Variants in DPF3 observed in about 807,000 individuals in gnomAD.
The protein encoded by DPF3 is double PHD fingers 3.
Under a neutral mutation model 56.8 loss-of-function variants are expected in DPF3, and 18 were observed. That is an observed-to-expected ratio of 0.32 (90% confidence interval 0.22 to 0.47). DPF3 has a LOEUF of 0.47. Among genes scored for constraint, DPF3 ranks in the 20% least tolerant of loss-of-function variants. DPF3 has a pLI of 1.00. For synonymous variants in DPF3, 188 were observed against 180.2 expected, an observed-to-expected ratio of 1.04 and a Z score of -0.35; for missense variants, 403 against 488.8, an observed-to-expected ratio of 0.82 and a Z score of 1.65.
At chr14:72,730,066 A>C (rs966712231) in intron 4 of DPF3, among the ~76,000 whole-genome samples, 10 of 152,070 alleles carry the variant, frequency 6.6e-5, no homozygotes, top group Admixed American at 3.3e-4. Flanking sequence ...GTGAACCTAA[A>C]ACTGCTGTTA....
At chr14:72,632,401 G>A (rs953062078) in intron 8 of DPF3, among the ~76,000 whole-genome samples, 3 of 152,128 alleles carry the variant, frequency 2.0e-5, no homozygotes, top group African/African-American at 4.8e-5. Flanking sequence ...TACATAAGAT[G>A]TTGCCCTTGG....
chr14:72,728,902 C>A (rs943793505), intron 4 of DPF3, among the ~76,000 whole-genome samples: 1 of 151,970 alleles, frequency 6.6e-6, no homozygotes, highest in Admixed American at 6.6e-5. Context: ...GAGGCAGGGG[C>A]AGTCAGGGCA....
intron 8 of DPF3, among the ~76,000 whole-genome samples, chr14:72,651,995 G>T (rs1398927585): frequency 6.6e-6 from 1 of 152,208 alleles, no homozygotes; most frequent in African/African-American, 2.4e-5. Flanking sequence ...GCACGACTCT[G>T]TCACTGCACA....
At chr14:72,670,357 C>A (rs1455801553) in intron 8 of DPF3, 59 of 986,242 alleles carry the variant, frequency 6.0e-5, no homozygotes, top group Non-Finnish European at 7.0e-5. Flanking sequence ...AGCAGCTCTA[C>A]TGACGGAGGA....
chr14:72,879,079 C>T (rs553355128), intron 1 of DPF3, among the ~76,000 whole-genome samples: 12 of 152,330 alleles, frequency 7.9e-5, no homozygotes, highest in African/African-American at 2.9e-4. Flanking sequence ...TAGGCTAGGT[C>T]CTTGGGACAG....
chr14:72,730,978 G>T (rs532616750), intron 4 of DPF3, among the ~76,000 whole-genome samples: 1 of 152,144 alleles, frequency 6.6e-6, no homozygotes, highest in South Asian at 2.1e-4. Context: ...GACCAGCCTG[G>T]CCAATATGGT....
intron 1 of DPF3, among the ~76,000 whole-genome samples, chr14:72,878,780 T>C (rs944575898): frequency 1.3e-5 from 2 of 152,166 alleles, no homozygotes; most frequent in Non-Finnish European, 2.9e-5. Flanking sequence ...AAGCCAAGCT[T>C]TTTAAAGTGA....
At chr14:72,643,100 C>T (rs909709205) in intron 8 of DPF3, among the ~76,000 whole-genome samples, 2 of 152,220 alleles carry the variant, frequency 1.3e-5, no homozygotes, top group African/African-American at 4.8e-5. Context: ...ACATCCATGT[C>T]TTCACATTCT....
At chr14:72,787,342 T>A (rs892442838) in intron 1 of DPF3, among the ~76,000 whole-genome samples, 1 of 152,138 alleles carries the variant, frequency 6.6e-6, no homozygotes, top group African/African-American at 2.4e-5. Context: ...CAGATTGGAG[T>A]TGGAACTTAG....
intron 7 of DPF3, among the ~76,000 whole-genome samples, chr14:72,687,995 T>G (rs752075013): frequency 1.3e-5 from 2 of 151,780 alleles, no homozygotes; most frequent in African/African-American, 4.8e-5. Flanking sequence ...CACGGTTCTG[T>G]ACACACCCCA....
At chr14:72,722,548 A>T (rs1057392412) in intron 5 of DPF3, among the ~76,000 whole-genome samples, 1 of 152,334 alleles carries the variant, frequency 6.6e-6, no homozygotes, top group Middle Eastern at 3.4e-3. Flanking sequence ...TGAGAACCAC[A>T]AGAGTGGAGA....
chr14:72,689,950 CCTT>C (rs1175014363), intron 7 of DPF3, among the ~76,000 whole-genome samples: 2 of 152,198 alleles, frequency 1.3e-5, no homozygotes, highest in Non-Finnish European at 2.9e-5. Context: ...GATTCTGGAA[CCTT>C]CTTCGTGTGG....
chr14:72,838,634 G>A (rs930737238), intron 1 of DPF3, among the ~76,000 whole-genome samples: 4 of 151,930 alleles, frequency 2.6e-5, no homozygotes, highest in African/African-American at 9.7e-5. Flanking sequence ...AGGTGGCGGT[G>A]TAATCCCAGC....
Position 72,629,770 on chromosome 14 carries a change from A to G in DPF3, c.872-34T>C, listed in dbSNP as rs994760. On this transcript the variant is annotated intron_variant, in intron 8 of 10. Transcript: ENST00000556509. Reference sequence around the variant, plus strand: ...AGCCAGAAACAACAGCATTAGGGCCAAAGTATGAACTGCCACCCCTCAACA... The same window carrying G: ...AGCCAGAAACAACAGCATTAGGGCCGAAGTATGAACTGCCACCCCTCAACA... 3,142 of 1,487,572 alleles carry G rather than the reference A, an allele frequency of 2.1e-3. 54 individuals carry two copies. The East Asian group carries it at 0.026, about 12-fold the overall frequency. The allele number at this position is 1,487,572 out of a possible 1,614,324, so 92.1% of individuals were successfully genotyped here.
chr14:72,879,893 T>C (rs1356591758), intron 1 of DPF3: 18 of 1,526,192 alleles, frequency 1.2e-5, no homozygotes, highest in Non-Finnish European at 1.6e-5. Flanking sequence ...TTCACATCTA[T>C]ATGCGTGTTT....
intron 1 of DPF3, among the ~76,000 whole-genome samples, chr14:72,776,303 A>G (rs1197222331): frequency 3.9e-5 from 6 of 152,224 alleles, no homozygotes; most frequent in Non-Finnish European, 7.3e-5. Context: ...TAGGAAAGGC[A>G]AGGGAAACAA....
chr14:72,819,279 T>C lies in DPF3; in HGVS notation c.33-47386A>G, dbSNP rs549306689. 3.3e-5 allele frequency among the ~76,000 whole-genome samples: 5 copies of C among 152,262 alleles called. No homozygotes were observed. The South Asian group carries it at 6.2e-4, about 19-fold the overall frequency. On this transcript the variant is annotated intron_variant, in intron 1 of 10. Coordinates refer to ENST00000556509, the MANE Select transcript of DPF3 (RefSeq NM_001280542.3). ...GCAATGGTGCAACCACTTTAGAAAATAGTATGGTAGCTGCTTATTCTAAAA... is the reference window on the plus strand; with the variant it reads ...GCAATGGTGCAACCACTTTAGAAAACAGTATGGTAGCTGCTTATTCTAAAA...
chr14:72,846,328 C>CT (rs10563066), intron 1 of DPF3, among the ~76,000 whole-genome samples: 5,492 of 62,530 alleles, frequency 0.088, 543 homozygotes, highest in Admixed American at 0.13. Context: ...CCAGGCTAGT[C>CT]TTTTTTTTTT....
intron 6 of DPF3, among the ~76,000 whole-genome samples, chr14:72,696,686 T>G (rs1887914344): frequency 6.6e-6 from 1 of 152,174 alleles, no homozygotes; most frequent in South Asian, 2.1e-4. Flanking sequence ...AGCAAAAAGC[T>G]CCCTCTATCT....
Sources: gnomAD v4.1 joint callset for allele counts (sites outside exome capture counted in the v4.1 genomes callset) on GRCh38, gnomAD v4.1.1 for gene constraint, MANE v1.5 for transcripts, NCBI Gene and HGNC (gene_info 2026-07-23, HGNC 2026-07-21) for gene names.